EPHX2: variants seen among roughly 807,000 people sequenced by gnomAD.
EPHX2 encodes the protein epoxide hydrolase 2.
In EPHX2, 74 loss-of-function variants were observed where a neutral mutation model predicts 78.7. The observed-to-expected ratio is 0.94, with a 90% CI of 0.78 to 1.14. The LOEUF (loss-of-function observed/expected upper bound fraction) is 1.14, where lower values mean the gene tolerates loss of function less well. Ranked by LOEUF, EPHX2 falls within the 50% of genes most tolerant of loss-of-function variation. EPHX2 has a pLI of 0.00. For synonymous variants in EPHX2, 251 were observed against 255.2 expected, an observed-to-expected ratio of 0.98 and a Z score of 0.16; for missense variants, 715 against 702.5, an observed-to-expected ratio of 1.02 and a Z score of -0.20.
chr8:27,542,479 G>A (rs1352298831), intron 16 of EPHX2, among the ~76,000 whole-genome samples: 1 of 152,118 alleles, frequency 6.6e-6, no homozygotes, highest in Non-Finnish European at 1.5e-5. Context: ...GCAGTACTGG[G>A]AACCTATTAG....
rs546288253 is a variant in EPHX2 at position 27,532,708 on chromosome 8, G to C, written c.1171-4076G>C. Reference sequence around the variant, plus strand: ...GTGGCATCCTCCCTTCTGTGTCTCTGTATGTCTCAATTTCCCTCTTTCTCT... The same window carrying C: ...GTGGCATCCTCCCTTCTGTGTCTCTCTATGTCTCAATTTCCCTCTTTCTCT... On this transcript the variant is annotated intron_variant, in intron 12 of 18. Transcript: ENST00000521400. 7.2e-5 allele frequency among the ~76,000 whole-genome samples: 11 copies of C among 152,188 alleles called. No individual in the cohort carries two copies. In the East Asian group the frequency reaches 2.1e-3, roughly 29 times the overall value.
intron 13 of EPHX2, among the ~76,000 whole-genome samples, chr8:27,537,149 T>A (rs1815240981): frequency 2.0e-5 from 3 of 152,188 alleles, no homozygotes; most frequent in Admixed American, 2.0e-4. Flanking sequence ...CCAACCCTCT[T>A]CTTGAAGCAG....
chr8:27,508,074 G>A (rs1341961230), intron 5 of EPHX2, among the ~76,000 whole-genome samples: 1 of 152,166 alleles, frequency 6.6e-6, no homozygotes, highest in Non-Finnish European at 1.5e-5. Flanking sequence ...GCCAAGGTGG[G>A]CGGATCGGTT....
rs776818925 is a variant in EPHX2 at position 27,516,350 on chromosome 8, G to C, written c.862G>C (p.Val288Leu). Residue 288 changes from valine to leucine, a missense_variant, in exon 8 of 19, where the codon GTC (valine) becomes CTC (leucine). By Grantham distance (32) the Val-to-Leu change is conservative (BLOSUM62 1). Transcript: ENST00000521400. Reference sequence around the variant, plus strand: ...TGCTCTGGCCCAGGCAGGTTACCGGGTCCTAGCTATGGACATGAAAGGCTA... The same window carrying C: ...TGCTCTGGCCCAGGCAGGTTACCGGCTCCTAGCTATGGACATGAAAGGCTA... ...IPALAQAGYR[V>L]LAMDMKGYGE... 3.7e-6 allele frequency: 6 copies of C among 1,613,926 alleles called. No individual in the cohort carries two copies. The Admixed American group carries it at 1.0e-4, about 27-fold the overall frequency.
rs771224338 is a variant in EPHX2 at position 27,543,812 on chromosome 8, C to T, written c.1513C>T (p.Gln505Ter). Residue 505 changes from glutamine to a stop codon, truncating the protein, a stop_gained, in exon 17 of 19, where the codon CAG becomes TAG. Transcript: ENST00000521400. LOFTEE classifies it high-confidence loss of function. Reference sequence around the variant, plus strand: ...CTTCGTGCTCGTTCCTCAGATGTCCCAGCACATGGAGGACTGGGTGAGGGA... The same window carrying T: ...CTTCGTGCTCGTTCCTCAGATGTCCTAGCACATGGAGGACTGGGTGAGGGA... ...KDFVLVPQMS[Q>*]HMEDWIPHLK... The T allele has an allele frequency of 9.3e-6, 15 of 1,614,128 alleles. No homozygotes were observed. Among genetic ancestry groups the T allele is most frequent in the Non-Finnish European group, 1.3e-5 (15 of 1,180,014 alleles).
At chr8:27,511,739 G>A in intron 5 of EPHX2, 97 bp from the exon 6 acceptor site, 1 of 1,287,216 alleles carries the variant, frequency 7.8e-7, no homozygotes, top group Non-Finnish European at 1.1e-6. Context: ...AGTGGAAAAG[G>A]TGATTTCCAA....
intron 12 of EPHX2, among the ~76,000 whole-genome samples, chr8:27,526,964 G>A (rs754875778): frequency 4.6e-5 from 7 of 151,812 alleles, no homozygotes; most frequent in South Asian, 2.1e-4. Context: ...TATTTGAGGC[G>A]GAGTCGCCCT....
intron 16 of EPHX2, among the ~76,000 whole-genome samples, chr8:27,543,436 A>G (rs1301090054): frequency 6.6e-6 from 1 of 152,058 alleles, no homozygotes; most frequent in Non-Finnish European, 1.5e-5. Context: ...TAATTCAGGG[A>G]AGAGGAATCT....
intron 1 of EPHX2, 109 bp downstream of exon 1, chr8:27,491,418 T>C (rs1461337936): frequency 1.3e-5 from 10 of 760,358 alleles, no homozygotes; most frequent in Non-Finnish European, 2.0e-5. Context: ...GCCCTGCGAA[T>C]CATGCGAATC....
At chr8:27,514,946 AT>A (rs1391400364) in intron 6 of EPHX2, among the ~76,000 whole-genome samples, 1 of 152,118 alleles carries the variant, frequency 6.6e-6, no homozygotes, top group Non-Finnish European at 1.5e-5. Context: ...GCTTGAACAG[AT>A]TTCATATTTA....
chr8:27,503,454 C>T (rs2132720423), intron 2 of EPHX2, 150 bp from the exon 3 acceptor site: 1 of 981,558 alleles, frequency 1.0e-6, no homozygotes, highest in Non-Finnish European at 1.5e-6. Context: ...GGCCATGTCT[C>T]TTGGAGAACA....
At chr8:27,542,990 C>T (rs891471025) in intron 16 of EPHX2, among the ~76,000 whole-genome samples, 4 of 147,514 alleles carry the variant, frequency 2.7e-5, no homozygotes, top group Non-Finnish European at 4.5e-5. Flanking sequence ...CCCCCACCTC[C>T]TCCCATCCCA....
rs915369274 is a variant in EPHX2, at chr8:27,545,021, G to T, written c.*499G>T. ...CCTCTGCTTTTGAGCCCTGTTCTGG[G>T]CTCCAAGGTGCTGTATGATCTAGGC... On this transcript the variant is annotated 3_prime_UTR_variant, in exon 19 of 19. Coordinates refer to ENST00000521400, the MANE Select transcript of EPHX2 (RefSeq NM_001979.6). The T allele has an allele frequency of 6.0e-6, 1 of 167,308 alleles. No individual in the cohort carries two copies. The highest frequency in any genetic ancestry group is 2.4e-5 in the African/African-American group (1 of 41,578). 10.4% of individuals were successfully genotyped at this position (167,308 alleles called of 1,614,324 possible). A position where few individuals can be genotyped will look rare whatever the true frequency, so the allele number is the denominator to read the frequency against.
At chr8:27,541,328 G>A (rs972963000) in intron 15 of EPHX2, 145 bp from the exon 16 acceptor site, 3 of 784,774 alleles carry the variant, frequency 3.8e-6, no homozygotes, top group African/African-American at 3.5e-5. Flanking sequence ...AGCAAGGCGT[G>A]GGTCCTGGGC....
chr8:27,542,013 ATC>A (rs1310795143), intron 16 of EPHX2, among the ~76,000 whole-genome samples: 1 of 151,978 alleles, frequency 6.6e-6, no homozygotes, highest in Non-Finnish European at 1.5e-5. Context: ...TGAGTTTCCA[ATC>A]TCTGGGTCTG....
At chr8:27,516,226 C>A in intron 7 of EPHX2, 94 bp from the exon 8 acceptor site, 1 of 1,245,828 alleles carries the variant, frequency 8.0e-7, no homozygotes, top group Non-Finnish European at 1.2e-6. Context: ...TGGTTTGATC[C>A]ATTTACAGGA....
intron 12 of EPHX2, among the ~76,000 whole-genome samples, chr8:27,531,290 G>A (rs1418344205): frequency 2.6e-5 from 4 of 152,192 alleles, no homozygotes; most frequent in African/African-American, 4.8e-5. Context: ...GGGCTGTTAT[G>A]GACAGAAAGA....
chr8:27,537,305 A>G (rs150872126), intron 13 of EPHX2, among the ~76,000 whole-genome samples: 103 of 152,320 alleles, frequency 6.8e-4, no homozygotes, highest in East Asian at 2.7e-3. Context: ...CACTTCTTGC[A>G]TCTCACTCAT....
chr8:27,503,678 C>T lies in EPHX2; in HGVS notation c.261C>T (p.Ser87=). 6.2e-7 allele frequency: 1 copy of T among 1,613,998 alleles called. No homozygotes were observed. Among genetic ancestry groups the T allele is most frequent in the Non-Finnish European group, 8.5e-7 (1 of 1,179,986 alleles). ...TAKVCLPKNF[S]IKEIFDKAIS... ...AAGTCTGCCTCCCCAAGAATTTCTC[C>T]ATAAAAGAAATCTTTGACAAGGCGA... is the stretch of plus-strand genomic sequence containing the variant. Residue 87 remains serine (S), a synonymous_variant, in exon 3 of 19, where the codon TCC becomes TCT. Coordinates refer to ENST00000521400, the MANE Select transcript of EPHX2 (RefSeq NM_001979.6).
Sources: allele counts gnomAD v4.1 joint callset (sites outside exome capture counted in the v4.1 genomes callset), GRCh38; gene constraint gnomAD v4.1.1; transcripts MANE v1.5; gene names NCBI Gene and HGNC (gene_info 2026-07-23, HGNC 2026-07-21).